KAZN: variants seen among roughly 807,000 people sequenced by gnomAD.
The protein encoded by KAZN is kazrin, periplakin interacting protein.
A neutral mutation model predicts 87.4 loss-of-function variants in KAZN; 40 were observed. The ratio of observed to expected loss-of-function variants is 0.46; its 90% CI spans 0.36 to 0.60. The LOEUF (loss-of-function observed/expected upper bound fraction) is 0.60. Among genes scored for constraint, KAZN ranks in the 20% least tolerant of loss-of-function variants. The pLI is 0.00. For synonymous variants in KAZN, 466 were observed against 458.3 expected (o/e 1.02, Z -0.22); for missense variants, 898 against 1,073.9 (o/e 0.84, Z 2.29).
chr1:14,483,656 A>C (rs1223474577), intron 2 of KAZN, among the ~76,000 whole-genome samples: 2 of 152,228 alleles, frequency 1.3e-5, no homozygotes, highest in Non-Finnish European at 2.9e-5. Flanking sequence ...AGGTATGTAT[A>C]GGTTTACATC....
chr1:13,975,680 A>G (rs531878082), intron 1 of KAZN, among the ~76,000 whole-genome samples: 2 of 152,132 alleles, frequency 1.3e-5, no homozygotes, highest in Non-Finnish European at 2.9e-5. Flanking sequence ...AACTTAACAC[A>G]CCGGCAGGTA....
chr1:14,169,347 A>G (rs1645900631), intron 1 of KAZN, among the ~76,000 whole-genome samples: 1 of 150,666 alleles, frequency 6.6e-6, no homozygotes. Context: ...TTGTCTCTCC[A>G]GCTGTCTTTC....
At chr1:14,978,839 G>A (rs908945252) in intron 2 of KAZN, among the ~76,000 whole-genome samples, 1 of 152,130 alleles carries the variant, frequency 6.6e-6, no homozygotes, top group Non-Finnish European at 1.5e-5. Flanking sequence ...AGTCTGTTAG[G>A]AGTAAACGGG....
intron 2 of KAZN, among the ~76,000 whole-genome samples, chr1:14,495,828 A>G (rs766039947): frequency 6.6e-6 from 1 of 152,178 alleles, no homozygotes; most frequent in Non-Finnish European, 1.5e-5. Flanking sequence ...AGTTGATGCA[A>G]AATGCATCGA....
At chr1:14,436,838 C>A (rs1439191643) in intron 2 of KAZN, among the ~76,000 whole-genome samples, 1 of 152,080 alleles carries the variant, frequency 6.6e-6, no homozygotes, top group African/African-American at 2.4e-5. Context: ...CAAGGTCCGA[C>A]AGCTGGTCAG....
chr1:14,466,772 TC>T (rs1668165815), intron 2 of KAZN, among the ~76,000 whole-genome samples: 1 of 151,564 alleles, frequency 6.6e-6, no homozygotes, highest in African/African-American at 2.4e-5. Context: ...ATGGAGACCA[TC>T]CTGGCTAACA....
chr1:14,042,616 C>G (rs1388365538), intron 1 of KAZN, among the ~76,000 whole-genome samples: 2 of 152,276 alleles, frequency 1.3e-5, no homozygotes, highest in Middle Eastern at 3.4e-3. Context: ...TAGTTTCACC[C>G]AAATTGTACT....
In KAZN at chr1:15,094,145, C is replaced by T. The variant is rs1448722888; in HGVS notation, c.1223-35C>T. The stretch of plus-strand genomic sequence containing the variant: ...GCCCAGCCCCTGCCCCCAGCAGCCT[C>T]GTCCCCCAGCATGGCCTGCACTTGT... On this transcript the variant is annotated intron_variant, in intron 8 of 14. Coordinates refer to ENST00000376030, the MANE Select transcript of KAZN (RefSeq NM_201628.3). The surrounding 1 kb of genome is among the most constrained non-coding windows in gnomAD (Gnocchi z 4.5). 9 of 1,598,056 alleles carry T rather than the reference C, an allele frequency of 5.6e-6. No homozygotes were observed. Among genetic ancestry groups the T allele is most frequent in the East Asian group, 2.2e-5 (1 of 44,580 alleles).
At chr1:14,747,282 T>G (rs1200199119) in intron 1 of KAZN, among the ~76,000 whole-genome samples, 1 of 152,152 alleles carries the variant, frequency 6.6e-6, no homozygotes, top group African/African-American at 2.4e-5. Flanking sequence ...ATTTATTTAT[T>G]TATTTATTTT....
chr1:14,667,958 C>T (rs187400258), intron 1 of KAZN, among the ~76,000 whole-genome samples: 5 of 152,280 alleles, frequency 3.3e-5, no homozygotes, highest in African/African-American at 1.2e-4. Flanking sequence ...CTTCATCTTC[C>T]TTTTGAAAAT....
chr1:14,151,203 A>T (rs1026900845), intron 1 of KAZN, among the ~76,000 whole-genome samples: 18 of 152,042 alleles, frequency 1.2e-4, no homozygotes, highest in African/African-American at 4.1e-4. Flanking sequence ...ATTGTAGAAA[A>T]AAAAGACAAA....
intron 1 of KAZN, among the ~76,000 whole-genome samples, chr1:14,100,934 G>A (rs1455065238): frequency 6.6e-6 from 1 of 151,068 alleles, no homozygotes; most frequent in Non-Finnish European, 1.5e-5. Flanking sequence ...AAAAATGGGA[G>A]TTTCCCTACA....
At chr1:14,275,875 C>A (rs1430117462) in intron 2 of KAZN, among the ~76,000 whole-genome samples, 1 of 152,162 alleles carries the variant, frequency 6.6e-6, no homozygotes, top group African/African-American at 2.4e-5. Flanking sequence ...GGTAAGTAAG[C>A]AAGCTTATCA....
chr1:14,118,679 G>C (rs923486961), intron 1 of KAZN, among the ~76,000 whole-genome samples: 1 of 152,108 alleles, frequency 6.6e-6, no homozygotes, highest in Admixed American at 6.6e-5. Context: ...GAATTCATCT[G>C]GTTGAATCAT....
At chr1:14,318,687 T>C (rs1238876458) in intron 2 of KAZN, among the ~76,000 whole-genome samples, 1 of 152,148 alleles carries the variant, frequency 6.6e-6, no homozygotes, top group African/African-American at 2.4e-5. Flanking sequence ...GATCACTCGA[T>C]ATTGTCGTGC....
intron 2 of KAZN, among the ~76,000 whole-genome samples, chr1:14,383,588 CTTGT>C (rs1661572787): frequency 1.3e-5 from 2 of 151,504 alleles, no homozygotes; most frequent in African/African-American, 4.9e-5. Context: ...TTCCCCATTG[CTTGT>C]TTTTCTCAGG....
chr1:14,657,077 CTTTTTTTTTTT>C (rs35046893), intron 1 of KAZN, among the ~76,000 whole-genome samples: 1 of 83,340 alleles, frequency 1.2e-5, no homozygotes, highest in Admixed American at 1.6e-4. Context: ...AAGAGAGAGG[CTTTTTTTTTTT>C]TTTTTTTTTT....
At chr1:13,906,751 G>A (rs1043329290) in intron 1 of KAZN, among the ~76,000 whole-genome samples, 26 of 152,188 alleles carry the variant, frequency 1.7e-4, no homozygotes, top group African/African-American at 6.3e-4. Flanking sequence ...TGTGCCAACT[G>A]GGTGTGGCCA....
At chr1:14,899,219 A>G (rs1655588522) in intron 1 of KAZN, among the ~76,000 whole-genome samples, 1 of 152,206 alleles carries the variant, frequency 6.6e-6, no homozygotes, top group South Asian at 2.1e-4. Flanking sequence ...CACTGGCATG[A>G]CCAGAAAGGC....
Sources: gnomAD v4.1 joint callset for allele counts (sites outside exome capture counted in the v4.1 genomes callset) on GRCh38, gnomAD v4.1.1 for gene constraint, Gnocchi (gnomAD v3.1) non-coding constraint, MANE v1.5 for transcripts, NCBI Gene and HGNC (gene_info 2026-07-23, HGNC 2026-07-21) for gene names.